The following TPR variants were observed in gnomAD, a reference collection of about 807,000 sequenced individuals.
TPR encodes the protein nucleoprotein TPR.
Under a neutral mutation model 316.1 loss-of-function variants are expected in TPR, and 51 were observed. The observed-to-expected ratio is 0.16, with a 90% confidence interval of 0.13 to 0.20. The LOEUF (loss-of-function observed/expected upper bound fraction) is 0.20. Among genes scored for constraint, TPR ranks in the 10% least tolerant of loss-of-function variants. The pLI, the probability that TPR is intolerant of heterozygous loss-of-function variation, is 1.00. For synonymous variants in TPR, 981 were observed against 914.7 expected, an observed-to-expected ratio of 1.07 and a Z score of -1.31; for missense variants, 2,272 against 2,754.8, an observed-to-expected ratio of 0.82 and a Z score of 3.92.
Position 186,349,492 on chromosome 1 carries a change from A to G in TPR, c.2776+731T>C, listed in dbSNP as rs571489572. ...CATGGAGAAACCCCATCTCTACTAAAAAAAAAAAATACAAAAAATGAGCTG... is the reference window on the plus strand; with the variant it reads ...CATGGAGAAACCCCATCTCTACTAAGAAAAAAAAATACAAAAAATGAGCTG... On this transcript the variant is annotated intron_variant, in intron 21 of 50. Transcript: ENST00000367478. 1.6e-4 allele frequency among the ~76,000 whole-genome samples: 24 copies of G among 151,522 alleles called. No individual in the cohort carries two copies. The East Asian group carries it at 4.7e-3, about 29-fold the overall frequency.
At position 186,360,326 on chromosome 1, in the gene TPR, G is replaced by A; in HGVS notation, c.1138C>T (p.Pro380Ser). The stretch of plus-strand genomic sequence containing the variant: ...ATCTTAGCTACAGCTGCTGCAGTAG[G>A]AGACATGGCGGCAAGCTCTTCTTCA... ...LSEEELAAMS[P>S]TAAAVAKIVK... Residue 380 changes from proline to serine, a missense_variant, in exon 11 of 51, where the codon CCT becomes TCT. Transcript: ENST00000367478. 1 of 1,613,402 alleles carries A rather than the reference G, an allele frequency of 6.2e-7. No homozygotes were observed. Among genetic ancestry groups the A allele is most frequent in the Non-Finnish European group, 8.5e-7 (1 of 1,179,508 alleles).
intron 42 of TPR, among the ~76,000 whole-genome samples, chr1:186,324,181 T>C (rs1206832918): frequency 2.6e-5 from 4 of 152,120 alleles, no homozygotes; most frequent in African/African-American, 4.8e-5. Context: ...TTTCAGATAA[T>C]GAACATAAAG....
chr1:186,375,137 G>C lies in TPR; in HGVS notation c.-109C>G. On this transcript the variant is annotated 5_prime_UTR_variant, in exon 1 of 51. Transcript: ENST00000367478. ...CCTGGGCCGCCGCCTCTATCACCTC[G>C]CTCGGTGGCTCGCGCGCGCCCGCCC... 6.4e-7 allele frequency: 1 copy of C among 1,552,046 alleles called. No individual in the cohort carries two copies. Among genetic ancestry groups the C allele is most frequent in the Non-Finnish European group, 8.7e-7 (1 of 1,148,440 alleles).
In TPR at chr1:186,358,605, A is replaced by G. The variant is rs1432916161; in HGVS notation, c.1435T>C (p.Ser479Pro). The G allele has an allele frequency of 1.2e-6, 2 of 1,612,780 alleles. No homozygotes were observed. Among genetic ancestry groups the G allele is most frequent in the Admixed American group, 3.3e-5 (2 of 59,824 alleles). Reference sequence around the variant, plus strand: ...CGATTATCTCTCTCAAGTACAGATGATTGCTTGTTGGCTTTATCAGTGTCC... The same window carrying G: ...CGATTATCTCTCTCAAGTACAGATGGTTGCTTGTTGGCTTTATCAGTGTCC... ...QEDTDKANKQSSVLERDNRRM... is the reference protein window; with the variant it reads ...QEDTDKANKQPSVLERDNRRM... The change falls in exon 13 of 51, where the codon TCA becomes CCA. Residue 479 changes from serine to proline, a missense_variant. Ser to Pro is a moderately conservative substitution (Grantham distance 74). Transcript: ENST00000367478.
At position 186,356,342 on chromosome 1, in the gene TPR, C is replaced by T. The variant is rs775915280; in HGVS notation, c.1832G>A (p.Arg611His). The T allele has an allele frequency of 8.1e-6, 13 of 1,613,506 alleles. No homozygotes were observed. Among genetic ancestry groups the T allele is most frequent in the South Asian group, 6.6e-5 (6 of 91,004 alleles). ...TGACAATAAAATACGGTACATATCA[C>T]GCTGACGAACTATGGAATCAACAAG... ...MQLVDSIVRQ[R>H]DMYRILLSQT... Residue 611 changes from arginine to histidine, a missense_variant, in exon 15 of 51, where the codon CGT (arginine) becomes CAT (histidine). Coordinates refer to ENST00000367478, the MANE Select transcript of TPR (RefSeq NM_003292.3).
At chr1:186,332,806 T>C (rs1271825688) in intron 37 of TPR, among the ~76,000 whole-genome samples, 1 of 152,116 alleles carries the variant, frequency 6.6e-6, no homozygotes, top group Non-Finnish European at 1.5e-5. Context: ...TTTGCATTAA[T>C]ATGTAAGACC....
chr1:186,362,385 A>T lies in TPR; in HGVS notation c.697-5T>A. ...TTGTTCTTCCAGTCTAGAAACCTAA[A>T]AACAAAAAATAGAGCAGGGGGAAAG... On this transcript the variant is annotated splice_polypyrimidine_tract_variant and splice_region_variant and intron_variant, in intron 6 of 50. Transcript: ENST00000367478. 3 of 1,606,974 alleles carry T rather than the reference A, an allele frequency of 1.9e-6. No homozygotes were observed. Among genetic ancestry groups the T allele is most frequent in the Non-Finnish European group, 2.6e-6 (3 of 1,174,376 alleles).
At chr1:186,363,124 A>C (rs1659244119) in intron 5 of TPR, 123 bp from the exon 6 acceptor site, 1 of 1,152,096 alleles carries the variant, frequency 8.7e-7, no homozygotes, top group South Asian at 1.5e-5. Flanking sequence ...AAGTATTTGC[A>C]TAGATTCTTA....
rs778908176 is a variant in TPR, at chr1:186,327,591, G to T, written c.5758C>A (p.Leu1920Ile). 6.2e-7 allele frequency: 1 copy of T among 1,612,708 alleles called. No homozygotes were observed. Among genetic ancestry groups the T allele is most frequent in the African/African-American group, 1.3e-5 (1 of 74,574 alleles). ...EETSQSLQID[L>I]GPLQSDQQTT... ...TGCTGATCTGATTGAAGTGGCCCAAGATCTATTTGTAGAGACTGAGAGGTT... is the reference window on the plus strand; with the variant it reads ...TGCTGATCTGATTGAAGTGGCCCAATATCTATTTGTAGAGACTGAGAGGTT... Residue 1920 changes from leucine to isoleucine, a missense_variant, in exon 40 of 51, where the codon CTT becomes ATT. Leu to Ile is a conservative substitution (Grantham distance 5). This residue lies in a region of TPR where 435 missense variants were observed against 461.1 expected (regional missense o/e 0.94). Coordinates refer to ENST00000367478, the MANE Select transcript of TPR (RefSeq NM_003292.3).
chr1:186,324,712 T>C (rs1156660755), intron 42 of TPR, among the ~76,000 whole-genome samples: 2 of 152,182 alleles, frequency 1.3e-5, no homozygotes, highest in African/African-American at 4.8e-5. Flanking sequence ...GTGTAGTTGC[T>C]TGAAATGTAC....
At chr1:186,354,076 C>T (rs1215441934) in intron 17 of TPR, 1 of 409,554 alleles carries the variant, frequency 2.4e-6, no homozygotes, top group Non-Finnish European at 4.3e-6. Flanking sequence ...GTCAGATTTG[C>T]CTCAACCTCA....
intron 4 of TPR, among the ~76,000 whole-genome samples, chr1:186,366,217 C>T (rs921733287): frequency 6.6e-6 from 1 of 152,176 alleles, no homozygotes; most frequent in East Asian, 1.9e-4. Flanking sequence ...CCCCTTCTAC[C>T]TCTGCAACCT....
chr1:186,315,828 A>C (rs1018351984), intron 49 of TPR, among the ~76,000 whole-genome samples: 2 of 148,880 alleles, frequency 1.3e-5, no homozygotes, highest in African/African-American at 2.5e-5. Flanking sequence ...AAGCAGACAC[A>C]CTGCTGCCTT....
chr1:186,312,840 T>C lies in TPR; in HGVS notation c.*1131A>G. 1 of 1,612,244 alleles carries C rather than the reference T, an allele frequency of 6.2e-7. No homozygotes were observed. The highest frequency in any genetic ancestry group is 8.5e-7 in the Non-Finnish European group (1 of 1,178,322). ...TCCAAATGTGGTTACCTCAGCTATA[T>C]CACTGCCCAACATCAGAAAACCTGA... On this transcript the variant is annotated 3_prime_UTR_variant, in exon 51 of 51. Transcript: ENST00000367478.
chr1:186,358,750 A>C (rs1409047193), intron 12 of TPR, 100 bp from the exon 13 acceptor site: 9 of 863,816 alleles, frequency 1.0e-5, no homozygotes, highest in Non-Finnish European at 1.4e-5. Context: ...TAATCAACTT[A>C]TACACTAAAT....
At position 186,312,374 on chromosome 1, in the gene TPR, T is replaced by C; in HGVS notation, c.*1597A>G. ...CCAGACTGGCTTATCAAGACAAAGG[T>C]AACATTTTTATTGTGTTAAAAAAAT... On this transcript the variant is annotated 3_prime_UTR_variant, in exon 51 of 51. Transcript: ENST00000367478. The C allele has an allele frequency of 6.2e-7, 1 of 1,604,192 alleles. No homozygotes were observed. Among genetic ancestry groups the C allele is most frequent in the Non-Finnish European group, 8.5e-7 (1 of 1,176,216 alleles).
intron 30 of TPR, among the ~76,000 whole-genome samples, 167 bp downstream of exon 30, chr1:186,339,475 A>G (rs1658442501): frequency 6.6e-6 from 1 of 152,220 alleles, no homozygotes; most frequent in South Asian, 2.1e-4. Context: ...CAAAGGCATA[A>G]TATTAAATCA....
At chr1:186,327,274 T>TATACATATAAA (rs1448697793) in intron 40 of TPR, among the ~76,000 whole-genome samples, 186 bp downstream of exon 40, 3 of 2,192 alleles carry the variant, frequency 1.4e-3, no homozygotes, top group African/African-American at 5.0e-3. Context: ...ATATATATAT[T>TATACATATAAA]TATATATAAT....
At chr1:186,318,636 A>G (rs1557983232) in intron 47 of TPR, 33 bp from the exon 48 acceptor site, 1 of 1,604,078 alleles carries the variant, frequency 6.2e-7, no homozygotes, top group Non-Finnish European at 8.5e-7. Flanking sequence ...AAAGAACTTT[A>G]AAACTTTGTG....
Sources: allele counts gnomAD v4.1 joint callset (sites outside exome capture counted in the v4.1 genomes callset), GRCh38; gene constraint gnomAD v4.1.1; regional missense constraint gnomAD v4.1.1; transcripts MANE v1.5; gene names NCBI Gene and HGNC (gene_info 2026-07-23, HGNC 2026-07-21).